KCNN1: variants seen among roughly 807,000 people sequenced by gnomAD.
The protein encoded by KCNN1 is potassium calcium-activated channel subfamily N member 1.
Under a neutral mutation model 44.7 loss-of-function variants are expected in KCNN1, and 20 were observed. The ratio of observed to expected loss-of-function variants is 0.45; its 90% confidence interval spans 0.32 to 0.65. The LOEUF (loss-of-function observed/expected upper bound fraction) is 0.65. Among genes scored for constraint, KCNN1 ranks in the 30% least tolerant of loss-of-function variants. KCNN1 has a pLI of 0.05. For missense variants in KCNN1, 632 were observed against 785.3 expected, an observed-to-expected ratio of 0.80 and a Z score of 2.33; for synonymous variants, 324 against 341.7, an observed-to-expected ratio of 0.95 and a Z score of 0.57.
intron 1 of KCNN1, among the ~76,000 whole-genome samples, chr19:17,953,546 A>G (rs2031470438): frequency 6.6e-6 from 1 of 152,204 alleles, no homozygotes; most frequent in African/African-American, 2.4e-5. Context: ...CTTGGGTACC[A>G]TGTGCTTCTA....
chr19:17,992,101 A>G (rs2145971420), intron 7 of KCNN1, among the ~76,000 whole-genome samples: 1 of 152,352 alleles, frequency 6.6e-6, no homozygotes, highest in Non-Finnish European at 1.5e-5. Context: ...TGGGTGGATC[A>G]TTTGAGGTCA....
chr19:17,995,993 A>G (rs533857151), intron 9 of KCNN1, among the ~76,000 whole-genome samples: 15 of 152,234 alleles, frequency 9.9e-5, no homozygotes, highest in Non-Finnish European at 1.6e-4. Flanking sequence ...TTGTGTATAT[A>G]TACTGTATTC....
At chr19:17,956,223 C>A (rs1265058964) in intron 2 of KCNN1, among the ~76,000 whole-genome samples, 1 of 152,170 alleles carries the variant, frequency 6.6e-6, no homozygotes, top group African/African-American at 2.4e-5. Flanking sequence ...CAGGCGTGAG[C>A]CACTGAGCCA....
Position 17,993,517 on chromosome 19 carries a change from G to T in KCNN1, c.1335G>T (p.Gly445=). 2 of 1,613,708 alleles carry T rather than the reference G, an allele frequency of 1.2e-6. No individual in the cohort carries two copies. The highest frequency in any genetic ancestry group is 1.7e-6 in the Non-Finnish European group (2 of 1,179,796). ...TCCGGAGTGTGAAGATCGAGCAAGGGAAGCTGAACGACCAGGCTAACACGC... is the reference window on the plus strand; with the variant it reads ...TCCGGAGTGTGAAGATCGAGCAAGGTAAGCTGAACGACCAGGCTAACACGC... ...QKLRSVKIEQ[G]KLNDQANTLT... is the part of the protein sequence containing the mutation. The change falls in exon 9 of 10, where the codon GGG becomes GGT. Residue 445 remains glycine (G), a synonymous_variant. Coordinates refer to ENST00000684775, the MANE Select transcript of KCNN1 (RefSeq NM_001386974.1). The surrounding 1 kb of genome is among the most constrained non-coding windows in gnomAD (Gnocchi z 4.5).
intron 7 of KCNN1, among the ~76,000 whole-genome samples, chr19:17,991,474 C>T (rs2032794549): frequency 6.6e-6 from 1 of 151,008 alleles, no homozygotes; most frequent in Non-Finnish European, 1.5e-5. Flanking sequence ...TGGCTGGGTG[C>T]AGTGGCTCAC....
intron 3 of KCNN1, among the ~76,000 whole-genome samples, chr19:17,976,399 G>A (rs2032204933): frequency 6.6e-6 from 1 of 151,850 alleles, no homozygotes; most frequent in Non-Finnish European, 1.5e-5. Flanking sequence ...TAGTGCACCT[G>A]TACAATGGAC....
Position 17,998,123 on chromosome 19 carries a change from T to C in KCNN1, c.1378-29T>C, listed in dbSNP as rs889559185. Reference sequence around the variant, plus strand: ...CTTTCCTCTCTCACTCAGCGGCGCCTCTCTCCTGCCCCTCTCTGTCTCCCG... The same window carrying C: ...CTTTCCTCTCTCACTCAGCGGCGCCCCTCTCCTGCCCCTCTCTGTCTCCCG... On this transcript the variant is annotated intron_variant, in intron 9 of 9. Transcript: ENST00000684775. This position sits in a 1 kb window ranked among gnomAD's most constrained non-coding sequence, Gnocchi z 5.4. 1 of 1,549,904 alleles carries C rather than the reference T, an allele frequency of 6.5e-7. No individual in the cohort carries two copies. Among genetic ancestry groups the C allele is most frequent in the East Asian group, 2.3e-5 (1 of 43,220 alleles).
Position 17,985,421 on chromosome 19 carries a change from G to A in KCNN1, c.1027G>A (p.Gly343Arg), listed in dbSNP as rs1406933882. 3.1e-6 allele frequency: 5 copies of A among 1,607,404 alleles called. No homozygotes were observed. The highest frequency in any genetic ancestry group is 4.3e-6 in the Non-Finnish European group (5 of 1,175,530). ...YGDMVPHTYC[G>R]KGVCLLTGIM... is the part of the protein sequence containing the mutation. ...CGACATGGTGCCCCACACCTACTGCGGGAAGGGTGTGTGCCTGCTCACTGG... is the reference window on the plus strand; with the variant it reads ...CGACATGGTGCCCCACACCTACTGCAGGAAGGGTGTGTGCCTGCTCACTGG... The change falls in exon 5 of 10, where the codon GGG (glycine) becomes AGG (arginine). Residue 343 changes from glycine to arginine, a missense_variant. Gly to Arg is a moderately radical substitution (Grantham distance 125). Coordinates refer to ENST00000684775, the MANE Select transcript of KCNN1 (RefSeq NM_001386974.1).
At chr19:17,982,228 C>T in intron 4 of KCNN1, 101 bp downstream of exon 4, 1 of 992,474 alleles carries the variant, frequency 1.0e-6, no homozygotes, top group African/African-American at 1.6e-5. Flanking sequence ...CCTCCCGACC[C>T]TGGCCATTGC....
rs574401835 is a variant in KCNN1, at chr19:17,955,902, CT to C, written c.-82+1232del. Among the ~76,000 whole-genome samples the C allele has an allele frequency of 6.3e-3, 907 of 145,056 alleles. 2 individuals carry two copies. Among genetic ancestry groups the C allele is most frequent in the Non-Finnish European group, 0.01 (660 of 65,740 alleles). ...CTCCTGTGCTCCTTTCTCCAGTGAA[CT>C]TTTTTTTTTTAGTTTTGTTTTGTTT... is the stretch of plus-strand genomic sequence containing the variant. On this transcript the variant is annotated intron_variant, in intron 2 of 10. Coordinates refer to the KCNN1 transcript ENST00000222249.
upstream of KCNN1, among the ~76,000 whole-genome samples, chr19:17,966,489 C>T (rs542911456): frequency 6.6e-6 from 1 of 152,322 alleles, no homozygotes; most frequent in South Asian, 2.1e-4. Context: ...ATCCCAAACT[C>T]CCTGGGGCTC....
chr19:17,985,288 C>T (rs1314133214), intron 4 of KCNN1, 24 bp from the exon 5 acceptor site: 3 of 1,570,340 alleles, frequency 1.9e-6, no homozygotes, highest in South Asian at 2.4e-5. Context: ...TGAGCCCTCC[C>T]TCTTCCCACT....
chr19:17,975,148 G>T lies in KCNN1; in HGVS notation c.459G>T (p.Leu153=), dbSNP rs1007926846. ...KCLISLSTAI[L]LGLVVLYHAR... ...TCATCAGCCTCTCCACGGCCATCCT[G>T]CTGGGTCTCGTTGTCCTCTACCATG... The change falls in exon 3 of 10, where the codon CTG becomes CTT. Residue 153 remains leucine, a synonymous_variant. Transcript: ENST00000684775. 8 of 1,613,608 alleles carry T rather than the reference G, an allele frequency of 5.0e-6. No individual in the cohort carries two copies. Among genetic ancestry groups the T allele is most frequent in the Non-Finnish European group, 6.8e-6 (8 of 1,179,726 alleles).
intron 1 of KCNN1, among the ~76,000 whole-genome samples, chr19:17,968,788 C>T (rs527449562): frequency 7.9e-5 from 12 of 152,250 alleles, no homozygotes; most frequent in African/African-American, 2.9e-4. Context: ...GGGAAGGGAG[C>T]TCTCATGACC....
At chr19:17,959,452 T>G (rs1206981080) in intron 2 of KCNN1, among the ~76,000 whole-genome samples, 1 of 152,010 alleles carries the variant, frequency 6.6e-6, no homozygotes, top group African/African-American at 2.4e-5. Flanking sequence ...GAGACGGGGT[T>G]TCACCATGTT....
intron 3 of KCNN1, among the ~76,000 whole-genome samples, chr19:17,981,103 G>C (rs891167039): frequency 5.3e-5 from 8 of 151,780 alleles, no homozygotes; most frequent in Admixed American, 4.6e-4. Context: ...TGTAATCCCA[G>C]CTACTCGGGA....
upstream of KCNN1, chr19:17,967,020 G>A (rs1279368711): frequency 1.9e-6 from 1 of 523,604 alleles, no homozygotes; most frequent in African/African-American, 2.1e-5. Flanking sequence ...CGGGGCTTGC[G>A]GGGTCGTCGA....
upstream of KCNN1, among the ~76,000 whole-genome samples, chr19:17,964,482 G>A (rs995182657): frequency 2.0e-5 from 3 of 152,246 alleles, no homozygotes; most frequent in African/African-American, 7.2e-5. The surrounding 1 kb of genome is among the most constrained non-coding windows in gnomAD (Gnocchi z 4.3). Flanking sequence ...CATGCTTGAC[G>A]TTTGCAGAGG....
intron 2 of KCNN1, among the ~76,000 whole-genome samples, chr19:17,959,211 A>T (rs2031620448): frequency 6.6e-6 from 1 of 151,380 alleles, no homozygotes; most frequent in Non-Finnish European, 1.5e-5. Context: ...TTTTTAGTAG[A>T]GACGGGGTTT....
Sources: allele counts gnomAD v4.1 joint callset (sites outside exome capture counted in the v4.1 genomes callset), GRCh38; gene constraint gnomAD v4.1.1; non-coding constraint Gnocchi (gnomAD v3.1); transcripts MANE v1.5; gene names NCBI Gene and HGNC (gene_info 2026-07-23, HGNC 2026-07-21).